Variants in COPS6 observed in about 807,000 individuals in gnomAD.
COPS6 encodes the protein COP9 signalosome subunit 6.
Under a neutral mutation model 41.0 loss-of-function variants are expected in COPS6, and 9 were observed. The observed-to-expected ratio is 0.22, with a 90% CI of 0.13 to 0.38. The LOEUF (loss-of-function observed/expected upper bound fraction) is 0.38, where lower values mean the gene tolerates loss of function less well. Ranked by LOEUF, COPS6 falls within the 10% of genes least tolerant of loss-of-function variation. The probability of loss-of-function intolerance (pLI) is 1.00; values close to 1 mark genes in which losing one functional copy is unlikely to be tolerated. For synonymous variants in COPS6, 179 were observed against 162.9 expected, an observed-to-expected ratio of 1.10 and a Z score of -0.75; for missense variants, 302 against 436.7, an observed-to-expected ratio of 0.69 and a Z score of 2.75.
chr7:100,089,875 A>G (rs1053674419), intron 3 of COPS6, 129 bp downstream of exon 3: 1 of 838,862 alleles, frequency 1.2e-6, no homozygotes, highest in Non-Finnish European at 1.8e-6. Flanking sequence ...AGTGAAGAGT[A>G]GCTGGAGAGA....
rs774791666 is a variant in COPS6 at position 100,091,756 on chromosome 7, C to A, written c.951C>A (p.Gly317=). Residue 317 remains glycine, a synonymous_variant, in exon 10 of 10, where the codon GGC becomes GGA. Transcript: ENST00000303904. This position sits in a 1 kb window ranked among gnomAD's most constrained non-coding sequence, Gnocchi z 4.1. ...TCAATGTCCTCTACGACCGACAAGGCATCGGCAGGAGAATGCGCGGGCTCT... is the reference window on the plus strand; with the variant it reads ...TCAATGTCCTCTACGACCGACAAGGAATCGGCAGGAGAATGCGCGGGCTCT... ...NKFNVLYDRQ[G]IGRRMRGLFF 4.3e-6 allele frequency: 7 copies of A among 1,614,104 alleles called. No homozygotes were observed. The highest frequency in any genetic ancestry group is 1.7e-5 in the Admixed American group (1 of 60,000).
chr7:100,091,815 C>T lies in COPS6; in HGVS notation c.*26C>T. The T allele has an allele frequency of 5.0e-6, 8 of 1,613,946 alleles. No homozygotes were observed. The highest frequency in any genetic ancestry group is 6.8e-6 in the Non-Finnish European group (8 of 1,179,834). ...TGAGGGTACTTGAAGGGCTGATGGA[C>T]AGGGGTCAGGCAACTATCCCAAAGG... On this transcript the variant is annotated 3_prime_UTR_variant, in exon 10 of 10. Coordinates refer to ENST00000303904, the MANE Select transcript of COPS6 (RefSeq NM_006833.5). The surrounding 1 kb of genome is among the most constrained non-coding windows in gnomAD (Gnocchi z 4.1).
intron 2 of COPS6, 87 bp downstream of exon 2, chr7:100,089,502 T>C: frequency 6.2e-7 from 1 of 1,603,176 alleles, no homozygotes; most frequent in Non-Finnish European, 8.5e-7. Flanking sequence ...CTGGAGCCAA[T>C]TCCCCCTCCC....
In COPS6 at chr7:100,091,810, A is replaced by G. The variant is rs368365967; in HGVS notation, c.*21A>G. On this transcript the variant is annotated 3_prime_UTR_variant, in exon 10 of 10. Coordinates refer to ENST00000303904, the MANE Select transcript of COPS6 (RefSeq NM_006833.5). The surrounding 1 kb of genome is among the most constrained non-coding windows in gnomAD (Gnocchi z 4.1). Reference sequence around the variant, plus strand: ...TCTGATGAGGGTACTTGAAGGGCTGATGGACAGGGGTCAGGCAACTATCCC... The same window carrying G: ...TCTGATGAGGGTACTTGAAGGGCTGGTGGACAGGGGTCAGGCAACTATCCC... 1 of 1,614,124 alleles carries G rather than the reference A, an allele frequency of 6.2e-7. No individual in the cohort carries two copies. The highest frequency in any genetic ancestry group is 8.5e-7 in the Non-Finnish European group (1 of 1,179,950).
intron 3 of COPS6, 107 bp downstream of exon 3, chr7:100,089,853 CAG>C (rs777544217): frequency 4.5e-4 from 496 of 1,107,146 alleles, no homozygotes; most frequent in Non-Finnish European, 5.8e-4. Flanking sequence ...AGACCAAGAA[CAG>C]GGGAGAAAAA....
In COPS6 at chr7:100,091,598, G is replaced by C. The variant is rs372821078; in HGVS notation, c.844-51G>C. On this transcript the variant is annotated intron_variant, in intron 9 of 9. Coordinates refer to ENST00000303904, the MANE Select transcript of COPS6 (RefSeq NM_006833.5). The surrounding 1 kb of genome is among the most constrained non-coding windows in gnomAD (Gnocchi z 4.1). ...GCAGGACTGGGGACTGTTGTTCCCCGGGCATGCCACGAGGGATCCCGAGGA... is the reference window on the plus strand; with the variant it reads ...GCAGGACTGGGGACTGTTGTTCCCCCGGCATGCCACGAGGGATCCCGAGGA... 1.9e-6 allele frequency: 3 copies of C among 1,613,766 alleles called. No homozygotes were observed. The highest frequency in any genetic ancestry group is 1.1e-5 in the South Asian group (1 of 91,054).
chr7:100,090,162 A>G lies in COPS6; in HGVS notation c.335-237A>G, dbSNP rs1795290212. The G allele has an allele frequency of 9.6e-6, 5 of 523,438 alleles. No individual in the cohort carries two copies. The Admixed American group carries it at 1.6e-4, about 17-fold the overall frequency. The allele number at this position is 523,438 out of a possible 1,614,324, so 32.4% of individuals were successfully genotyped here. Reference sequence around the variant, plus strand: ...CAGGAGTTCAAGACCAGCCTGGCAAACATAGTGAAACCCCACCTCTACTAA... The same window carrying G: ...CAGGAGTTCAAGACCAGCCTGGCAAGCATAGTGAAACCCCACCTCTACTAA... On this transcript the variant is annotated intron_variant, in intron 3 of 9. Transcript: ENST00000303904.
intron 3 of COPS6, 47 bp downstream of exon 3, chr7:100,089,793 A>G: frequency 6.3e-7 from 1 of 1,592,860 alleles, no homozygotes; most frequent in Non-Finnish European, 8.6e-7. Flanking sequence ...GTTAAAAAAA[A>G]AATGTACAGG....
In COPS6 at chr7:100,089,022, C is replaced by T. The variant is rs1032502671; in HGVS notation, c.32C>T (p.Thr11Met). 1.5e-6 allele frequency: 2 copies of T among 1,322,180 alleles called. No individual in the cohort carries two copies. Among genetic ancestry groups the T allele is most frequent in the East Asian group, 6.2e-5 (2 of 32,366 alleles). The allele number at this position is 1,322,180 out of a possible 1,614,324, so 81.9% of individuals were successfully genotyped here. Residue 11 changes from threonine (T) to methionine (M), a missense_variant, in exon 1 of 10, where the codon ACG (threonine) becomes ATG (methionine). Physicochemically the swap from Thr to Met is moderately conservative, Grantham distance 81 (BLOSUM62 -1). Coordinates refer to ENST00000303904, the MANE Select transcript of COPS6 (RefSeq NM_006833.5). ...GCGGCGGCGGCGGCGGCTGCAGCTA[C>T]GAACGGGACCGGAGGAAGCAGCGGG... The part of the protein sequence containing the change: MAAAAAAAAA[T>M]NGTGGSSGME...
At chr7:100,090,191 T>G in intron 3 of COPS6, 1 of 563,796 alleles carries the variant, frequency 1.8e-6, no homozygotes, top group South Asian at 2.1e-5. Flanking sequence ...CTACTAAAAA[T>G]ACAAAAATTA....
intron 5 of COPS6, 115 bp downstream of exon 5, chr7:100,090,769 C>T: frequency 1.4e-6 from 2 of 1,441,150 alleles, no homozygotes; most frequent in Non-Finnish European, 1.9e-6. Flanking sequence ...CTGGCTTAGT[C>T]ATTTAATCTC....
In COPS6 at chr7:100,091,478, C is replaced by T. The variant is rs1476287378; in HGVS notation, c.801C>T (p.Leu267=). 2 of 1,614,192 alleles carry T rather than the reference C, an allele frequency of 1.2e-6. No homozygotes were observed. The highest frequency in any genetic ancestry group is 1.7e-6 in the Non-Finnish European group (2 of 1,180,028). The part of the protein sequence containing the change: ...LREAYALCHC[L]PVLSTDKFKT... ...AGGCCTATGCTCTGTGTCACTGTCTCCCGGTGCTCAGCACAGACAAGTTCA... is the reference window on the plus strand; with the variant it reads ...AGGCCTATGCTCTGTGTCACTGTCTTCCGGTGCTCAGCACAGACAAGTTCA... Residue 267 remains leucine, a synonymous_variant, in exon 9 of 10, where the codon CTC becomes CTT. Coordinates refer to ENST00000303904, the MANE Select transcript of COPS6 (RefSeq NM_006833.5). The surrounding 1 kb of genome is among the most constrained non-coding windows in gnomAD (Gnocchi z 4.1).
Position 100,089,031 on chromosome 7 carries a change from C to T in COPS6, c.41C>T (p.Thr14Ile). 7.4e-7 allele frequency: 1 copy of T among 1,358,804 alleles called. No homozygotes were observed. The highest frequency in any genetic ancestry group is 9.5e-7 in the Non-Finnish European group (1 of 1,053,896). 84.2% of individuals were successfully genotyped at this position (1,358,804 alleles called of 1,614,324 possible). ...GCGGCGGCTGCAGCTACGAACGGGA[C>T]CGGAGGAAGCAGCGGGATGGAGGTG... ...AAAAAAATNG[T>I]GGSSGMEVDA... Residue 14 changes from threonine (T) to isoleucine (I), a missense_variant, in exon 1 of 10, where the codon ACC (threonine) becomes ATC (isoleucine). Physicochemically the swap from Thr to Ile is moderately conservative, Grantham distance 89 (BLOSUM62 -1). Around this residue, in one of 3 missense-constraint regions of COPS6, gnomAD observed 76 missense variants for 97.9 expected, o/e 0.78. Coordinates refer to ENST00000303904, the MANE Select transcript of COPS6 (RefSeq NM_006833.5).
At position 100,090,447 on chromosome 7, in the gene COPS6, G is replaced by T; in HGVS notation, c.383G>T (p.Gly128Val). 6.2e-7 allele frequency: 1 copy of T among 1,614,128 alleles called. No homozygotes were observed. The highest frequency in any genetic ancestry group is 8.5e-7 in the Non-Finnish European group (1 of 1,180,012). The change falls in exon 4 of 10, where the codon GGG becomes GTG. Residue 128 changes from glycine to valine, a missense_variant. Coordinates refer to ENST00000303904, the MANE Select transcript of COPS6 (RefSeq NM_006833.5). ...ELEFLGWYTT[G>V]GPPDPSDIHV... Reference sequence around the variant, plus strand: ...GAGTTTCTGGGTTGGTATACCACAGGGGGGCCACCTGACCCCTCGGACATC... The same window carrying T: ...GAGTTTCTGGGTTGGTATACCACAGTGGGGCCACCTGACCCCTCGGACATC...
rs953919313 is a variant in COPS6, at chr7:100,091,635, C to A, written c.844-14C>A. ...AGGGATCCCGAGGAACTGGTCCTTT[C>A]TGTTCCCTCCCAGCAATGCAACGAC... is the stretch of plus-strand genomic sequence containing the variant. On this transcript the variant is annotated splice_polypyrimidine_tract_variant and intron_variant, in intron 9 of 9. Transcript: ENST00000303904. This position sits in a 1 kb window ranked among gnomAD's most constrained non-coding sequence, Gnocchi z 4.1. 3 of 1,614,114 alleles carry A rather than the reference C, an allele frequency of 1.9e-6. No homozygotes were observed. The highest frequency in any genetic ancestry group is 3.3e-5 in the Admixed American group (2 of 60,004).
Position 100,091,888 on chromosome 7 carries a change from GGGAGCA to G in COPS6, c.*101_*106del. 1 of 1,515,924 alleles carries G rather than the reference GGGAGCA, an allele frequency of 6.6e-7. No individual in the cohort carries two copies. 93.9% of individuals were successfully genotyped at this position (1,515,924 alleles called of 1,614,324 possible). A position where few individuals can be genotyped will look rare whatever the true frequency, so the allele number is the denominator to read the frequency against. On this transcript the variant is annotated 3_prime_UTR_variant, in exon 10 of 10. Transcript: ENST00000303904. The surrounding 1 kb of genome is among the most constrained non-coding windows in gnomAD (Gnocchi z 4.1). ...GAGAAACCGCTGTCATTAATAAAAG[GGGAGCA>G]GCCCCTGAGCACCCCTGCTGGTGGC...
chr7:100,091,119 A>G lies in COPS6; in HGVS notation c.616A>G (p.Met206Val). 1 of 1,614,164 alleles carries G rather than the reference A, an allele frequency of 6.2e-7. No homozygotes were observed. The highest frequency in any genetic ancestry group is 8.5e-7 in the Non-Finnish European group (1 of 1,180,022). The change falls in exon 7 of 10, where the codon ATG becomes GTG. Residue 206 changes from methionine to valine, a missense_variant. Met to Val is a conservative substitution (Grantham distance 21). Around this residue, in one of 3 missense-constraint regions of COPS6, gnomAD observed 222 missense variants for 309.0 expected, o/e 0.72. Coordinates refer to ENST00000303904, the MANE Select transcript of COPS6 (RefSeq NM_006833.5). This position sits in a 1 kb window ranked among gnomAD's most constrained non-coding sequence, Gnocchi z 4.1. Reference protein sequence around the residue: ...ERIGVDHVARMTATGSGENST... With the variant: ...ERIGVDHVARVTATGSGENST... ...CATTGGTGTAGACCACGTAGCCCGA[A>G]TGACAGCAACAGGCAGTGGAGAGAA...
chr7:100,090,969 C>A lies in COPS6; in HGVS notation c.534+20C>A. ...GGAGAGGTAATACCCTACCCTTCAA[C>A]CCTCAGATCCTGCTCTTGGCCTCTT... On this transcript the variant is annotated intron_variant, in intron 6 of 9. Transcript: ENST00000303904. 1 of 1,614,044 alleles carries A rather than the reference C, an allele frequency of 6.2e-7. No individual in the cohort carries two copies. Among genetic ancestry groups the A allele is most frequent in the Non-Finnish European group, 8.5e-7 (1 of 1,179,870 alleles).
At position 100,089,294 on chromosome 7, in the gene COPS6, C is replaced by G; in HGVS notation, c.81C>G (p.Val27=). 1 of 1,613,962 alleles carries G rather than the reference C, an allele frequency of 6.2e-7. No homozygotes were observed. The highest frequency in any genetic ancestry group is 1.7e-4 in the Middle Eastern group (1 of 6,058). The change falls in exon 2 of 10, where the codon GTC becomes GTG. Residue 27 remains valine, a synonymous_variant. Coordinates refer to ENST00000303904, the MANE Select transcript of COPS6 (RefSeq NM_006833.5). ...SSGMEVDAAV[V]PSVMACGVTG... is the part of the protein sequence containing the mutation. The stretch of plus-strand genomic sequence containing the variant: ...CTCCTTTCCCTCCACCCTTAGTAGT[C>G]CCCAGCGTGATGGCCTGCGGAGTGA...
Sources: allele counts gnomAD v4.1 joint callset, GRCh38; gene constraint gnomAD v4.1.1; regional missense constraint gnomAD v4.1.1; non-coding constraint Gnocchi (gnomAD v3.1); transcripts MANE v1.5; gene names NCBI Gene and HGNC (gene_info 2026-07-23, HGNC 2026-07-21).